The following TFAP2E variants were observed in gnomAD, a reference collection of about 807,000 sequenced individuals.
The protein encoded by TFAP2E is transcription factor AP-2-epsilon.
In TFAP2E, 30 loss-of-function variants were observed where a neutral mutation model predicts 37.9. The ratio of observed to expected loss-of-function variants is 0.79; its 90% CI spans 0.59 to 1.07. The LOEUF (loss-of-function observed/expected upper bound fraction) is 1.07, where lower values mean the gene tolerates loss of function less well. Ranked by LOEUF, TFAP2E falls within the 50% of genes least tolerant of loss-of-function variation. TFAP2E has a pLI of 0.00. For missense variants in TFAP2E, 567 were observed against 637.9 expected, an observed-to-expected ratio of 0.89 and a Z score of 1.20; for synonymous variants, 318 against 295.8, an observed-to-expected ratio of 1.08 and a Z score of -0.77.
Position 35,589,850 on chromosome 1 carries a change from G to A in TFAP2E, c.786-80G>A, listed in dbSNP as rs951639049. 2.1e-6 allele frequency: 3 copies of A among 1,461,748 alleles called. No homozygotes were observed. The Middle Eastern group carries it at 5.2e-4, about 255-fold the overall frequency. 90.5% of individuals were successfully genotyped at this position (1,461,748 alleles called of 1,614,324 possible). On this transcript the variant is annotated intron_variant, in intron 4 of 6. Transcript: ENST00000373235. ...AACAGGGGCTGGTGGAGGCAACAAG[G>A]CCCTTTGGCAGCCACTTAGCTTCCA...
At position 35,594,380 on chromosome 1, in the gene TFAP2E, C is replaced by T. The variant is rs1224019129; in HGVS notation, c.1047-14C>T. 4 of 1,608,534 alleles carry T rather than the reference C, an allele frequency of 2.5e-6. No individual in the cohort carries two copies. The South Asian group carries it at 4.4e-5, about 18-fold the overall frequency. On this transcript the variant is annotated splice_polypyrimidine_tract_variant and intron_variant, in intron 6 of 6. Transcript: ENST00000373235. ...CTTTTGTCCTCCAACCTCTGACCCT[C>T]CTTCTCGCACCAGGCAGATCTGCAA...
intron 3 of TFAP2E, among the ~76,000 whole-genome samples, chr1:35,581,684 T>C (rs1171923362): frequency 6.6e-6 from 1 of 151,950 alleles, no homozygotes; most frequent in Non-Finnish European, 1.5e-5. Flanking sequence ...GTGATTCTCC[T>C]GCCTCAGCCT....
Position 35,573,756 on chromosome 1 carries a change from G to A in TFAP2E, c.27+152G>A. 2 of 1,384,856 alleles carry A rather than the reference G, an allele frequency of 1.4e-6. No individual in the cohort carries two copies. Among genetic ancestry groups the A allele is most frequent in the Non-Finnish European group, 9.5e-7 (1 of 1,054,754 alleles). 85.8% of individuals were successfully genotyped at this position (1,384,856 alleles called of 1,614,324 possible). ...CTGAGAACGCGATGCGCAAGTGACC[G>A]CTGTCCCCAGCCTGAGGCTCCTGCG... On this transcript the variant is annotated intron_variant, in intron 1 of 6. Transcript: ENST00000373235. The surrounding 1 kb of genome is among the most constrained non-coding windows in gnomAD (Gnocchi z 5.9).
intron 6 of TFAP2E, among the ~76,000 whole-genome samples, chr1:35,593,890 G>T (rs1203236228): frequency 6.6e-6 from 1 of 152,250 alleles, no homozygotes; most frequent in Non-Finnish European, 1.5e-5. Context: ...TTGTCCGTAT[G>T]ATGGGGATAA....
At chr1:35,574,772 C>A in intron 2 of TFAP2E, 177 bp from the exon 3 acceptor site, 1 of 795,166 alleles carries the variant, frequency 1.3e-6, no homozygotes, top group East Asian at 2.5e-5. Flanking sequence ...CAGTGAGATG[C>A]CCAGGGCTCC....
chr1:35,575,270 C>A (rs1255101291), intron 3 of TFAP2E, among the ~76,000 whole-genome samples: 1 of 152,220 alleles, frequency 6.6e-6, no homozygotes, highest in Admixed American at 6.5e-5. Flanking sequence ...GGAGGGCACT[C>A]TTGTGGATCT....
At chr1:35,591,955 T>G (rs1649700207) in intron 6 of TFAP2E, among the ~76,000 whole-genome samples, 1 of 152,310 alleles carries the variant, frequency 6.6e-6, no homozygotes, top group Admixed American at 6.5e-5. Context: ...CCCAAAGTTC[T>G]GGAATTACAG....
At chr1:35,583,797 C>T (rs1649413895) in intron 3 of TFAP2E, among the ~76,000 whole-genome samples, 1 of 152,142 alleles carries the variant, frequency 6.6e-6, no homozygotes, top group Admixed American at 6.5e-5. Context: ...CACCACTGCC[C>T]TTCTGTGACC....
At chr1:35,589,832 G>A in intron 4 of TFAP2E, 98 bp from the exon 5 acceptor site, 1 of 1,232,644 alleles carries the variant, frequency 8.1e-7, no homozygotes, top group Non-Finnish European at 1.2e-6. Context: ...CTCAACAGGG[G>A]CTGGTGGAGG....
chr1:35,589,884 T>C lies in TFAP2E; in HGVS notation c.786-46T>C, dbSNP rs776547920. The C allele has an allele frequency of 4.4e-6, 7 of 1,602,960 alleles. No homozygotes were observed. In the East Asian group the frequency reaches 1.6e-4, roughly 36 times the overall value. Reference sequence around the variant, plus strand: ...CAGCCACTTAGCTTCCATGCGTTTCTCTTGTCTTCATAGTTGTATGTCTGT... The same window carrying C: ...CAGCCACTTAGCTTCCATGCGTTTCCCTTGTCTTCATAGTTGTATGTCTGT... On this transcript the variant is annotated intron_variant, in intron 4 of 6. Coordinates refer to ENST00000373235, the MANE Select transcript of TFAP2E (RefSeq NM_178548.4).
chr1:35,574,005 C>A lies in TFAP2E; in HGVS notation c.106C>A (p.Pro36Thr), dbSNP rs1038809834. Residue 36 changes from proline to threonine, a missense_variant, in exon 2 of 7, where the codon CCC (proline) becomes ACC (threonine). By Grantham distance (38) the Pro-to-Thr change is conservative. Coordinates refer to ENST00000373235, the MANE Select transcript of TFAP2E (RefSeq NM_178548.4). ...GCCCCAGGCGGCCTACGGGCCGGCG[C>A]CCCCGCTCTGCCACACGCCGGCCGC... ...SLPQAAYGPA[P>T]PLCHTPAATA... The A allele has an allele frequency of 2.0e-6, 3 of 1,488,514 alleles. No homozygotes were observed. Among genetic ancestry groups the A allele is most frequent in the Non-Finnish European group, 2.7e-6 (3 of 1,127,032 alleles). 92.2% of individuals were successfully genotyped at this position (1,488,514 alleles called of 1,614,324 possible).
intron 3 of TFAP2E, among the ~76,000 whole-genome samples, chr1:35,587,624 G>A (rs1242771222): frequency 4.2e-5 from 5 of 120,056 alleles, no homozygotes; most frequent in Non-Finnish European, 6.2e-5. Flanking sequence ...GTGACAGAGC[G>A]AGACTCCATC....
intron 4 of TFAP2E, 51 bp from the exon 5 acceptor site, chr1:35,589,879 G>A (rs746940938): frequency 2.1e-5 from 34 of 1,595,632 alleles, no homozygotes; most frequent in Admixed American, 1.3e-4. Context: ...GCTTCCATGC[G>A]TTTCTCTTGT....
chr1:35,575,794 G>A (rs761255046), intron 3 of TFAP2E, among the ~76,000 whole-genome samples: 2 of 152,188 alleles, frequency 1.3e-5, no homozygotes, highest in African/African-American at 2.4e-5. Context: ...GGTATCTGAG[G>A]ATTTCCAAGC....
chr1:35,590,712 T>C lies in TFAP2E; in HGVS notation c.983T>C (p.Leu328Pro). ...CCAGCCAAGGCAGCTGCCGAGTACC[T>C]GTGCCGACAGCACGCTGACCCGGGG... ...EFPAKAAAEY[L>P]CRQHADPGEL... Residue 328 changes from leucine to proline, a missense_variant, in exon 6 of 7, where the codon CTG becomes CCG. Around this residue, in one of 3 missense-constraint regions of TFAP2E, gnomAD observed 252 missense variants for 302.6 expected, o/e 0.83. Transcript: ENST00000373235. The surrounding 1 kb of genome is among the most constrained non-coding windows in gnomAD (Gnocchi z 6.2). 6.4e-7 allele frequency: 1 copy of C among 1,554,738 alleles called. No homozygotes were observed. The highest frequency in any genetic ancestry group is 8.8e-7 in the Non-Finnish European group (1 of 1,140,958).
Position 35,588,991 on chromosome 1 carries a change from C to T in TFAP2E, c.785+439C>T, listed in dbSNP as rs1458594608. Among the ~76,000 whole-genome samples, 1 of 152,138 alleles carries T rather than the reference C, an allele frequency of 6.6e-6. No homozygotes were observed. Among genetic ancestry groups the T allele is most frequent in the East Asian group, 1.9e-4 (1 of 5,190 alleles). On this transcript the variant is annotated intron_variant, in intron 4 of 6. Coordinates refer to ENST00000373235, the MANE Select transcript of TFAP2E (RefSeq NM_178548.4). This position sits in a 1 kb window ranked among gnomAD's most constrained non-coding sequence, Gnocchi z 5.1. Reference sequence around the variant, plus strand: ...TCTTCCTAGACCTGTGTCTCTCTCTCTCTGTGCATGTCTTTGTGCCTGGGA... The same window carrying T: ...TCTTCCTAGACCTGTGTCTCTCTCTTTCTGTGCATGTCTTTGTGCCTGGGA...
chr1:35,575,017 C>A lies in TFAP2E; in HGVS notation c.562+17C>A. ...TCAAGAAAGGTAAGGAATGGTCTGT[C>A]AGGGCAGAGCCCGGCGAGATGGTGC... is the stretch of plus-strand genomic sequence containing the variant. On this transcript the variant is annotated intron_variant, in intron 3 of 6. Coordinates refer to ENST00000373235, the MANE Select transcript of TFAP2E (RefSeq NM_178548.4). 1 of 1,613,796 alleles carries A rather than the reference C, an allele frequency of 6.2e-7. No homozygotes were observed. Among genetic ancestry groups the A allele is most frequent in the Non-Finnish European group, 8.5e-7 (1 of 1,179,976 alleles).
chr1:35,594,946 T>C lies in TFAP2E; in HGVS notation c.*270T>C, dbSNP rs897213523. On this transcript the variant is annotated 3_prime_UTR_variant, in exon 7 of 7. Transcript: ENST00000373235. ...GGTTGAGAAGGGTTTGGACAGAAAA[T>C]TGACATGAAAAGATCTGGCTCATGG... 19 of 513,782 alleles carry C rather than the reference T, an allele frequency of 3.7e-5. No homozygotes were observed. The highest frequency in any genetic ancestry group is 1.4e-4 in the Admixed American group (4 of 27,882). 31.8% of individuals were successfully genotyped at this position (513,782 alleles called of 1,614,324 possible). A position where few individuals can be genotyped will look rare whatever the true frequency, so the allele number is the denominator to read the frequency against.
Position 35,588,631 on chromosome 1 carries a change from G to A in TFAP2E, c.785+79G>A, listed in dbSNP as rs547973860. ...GCCTTCTCAAGGCATCAGAGAGGAG[G>A]CCAGTCTCACCTAGGCCCTCTGCCT... On this transcript the variant is annotated intron_variant, in intron 4 of 6. Coordinates refer to ENST00000373235, the MANE Select transcript of TFAP2E (RefSeq NM_178548.4). This position sits in a 1 kb window ranked among gnomAD's most constrained non-coding sequence, Gnocchi z 5.1. The A allele has an allele frequency of 3.5e-6, 5 of 1,414,308 alleles. No individual in the cohort carries two copies. Among genetic ancestry groups the A allele is most frequent in the Middle Eastern group, 5.3e-4 (2 of 3,792 alleles). The allele number at this position is 1,414,308 out of a possible 1,614,324, so 87.6% of individuals were successfully genotyped here. A position where few individuals can be genotyped will look rare whatever the true frequency, so the allele number is the denominator to read the frequency against.
Sources: allele counts gnomAD v4.1 joint callset (sites outside exome capture counted in the v4.1 genomes callset), GRCh38; gene constraint gnomAD v4.1.1; regional missense constraint gnomAD v4.1.1; non-coding constraint Gnocchi (gnomAD v3.1); transcripts MANE v1.5; gene names NCBI Gene and HGNC (gene_info 2026-07-23, HGNC 2026-07-21).